GOLIM4: variants seen among roughly 807,000 people sequenced by gnomAD.
GOLIM4 encodes golgi integral membrane protein 4.
In GOLIM4, 71 loss-of-function variants were observed where a neutral mutation model predicts 107.4. The ratio of observed to expected loss-of-function variants is 0.66; its 90% confidence interval spans 0.55 to 0.81. The LOEUF is 0.81. GOLIM4 is among the 30% of genes least tolerant of loss of function. The pLI, the probability that GOLIM4 is intolerant of heterozygous loss-of-function variation, is 0.00. For missense variants in GOLIM4, 830 were observed against 826.1 expected (o/e 1.00, Z -0.06); for synonymous variants, 327 against 294.8 (o/e 1.11, Z -1.12).
intron 14 of GOLIM4, among the ~76,000 whole-genome samples, chr3:168,017,088 A>G (rs1000749305): frequency 1.5e-4 from 23 of 152,180 alleles, no homozygotes; most frequent in African/African-American, 5.1e-4. Context: ...ACAAAAATCA[A>G]TGTGATTGAT....
intron 13 of GOLIM4, 75 bp downstream of exon 13, chr3:168,024,853 C>T (rs1717908813): frequency 4.9e-6 from 7 of 1,441,926 alleles, no homozygotes; most frequent in Middle Eastern, 1.8e-4. Flanking sequence ...TGGAATATGA[C>T]TAACCTTTTA....
chr3:168,092,020 AC>A (rs1721941101), intron 1 of GOLIM4, among the ~76,000 whole-genome samples: 1 of 152,170 alleles, frequency 6.6e-6, no homozygotes, highest in African/African-American at 2.4e-5. Context: ...AGCTTTAAAG[AC>A]TTTTGAAGCC....
Position 168,032,743 on chromosome 3 carries a change from G to C in GOLIM4, c.953C>G (p.Pro318Arg), listed in dbSNP as rs897183591. 1 of 1,613,846 alleles carries C rather than the reference G, an allele frequency of 6.2e-7. No individual in the cohort carries two copies. The highest frequency in any genetic ancestry group is 8.5e-7 in the Non-Finnish European group (1 of 1,179,792). The part of the protein sequence containing the change: ...THKEAEFQAP[P>R]EPIQQEVERR... ...TTCCACTTCTTGTTGGATTGGCTCT[G>C]GGGGAGCCTGAAATTCTGCCTCCTT... Residue 318 changes from proline (P) to arginine (R), a missense_variant, in exon 9 of 16, where the codon CCA (proline) becomes CGA (arginine). Physicochemically the swap from Pro to Arg is moderately radical, Grantham distance 103. Transcript: ENST00000470487.
intron 1 of GOLIM4, among the ~76,000 whole-genome samples, chr3:168,061,163 C>A (rs1720253232): frequency 1.3e-5 from 2 of 149,040 alleles, no homozygotes; most frequent in Admixed American, 6.7e-5. Flanking sequence ...AAAAATGGGG[C>A]AAAGAATAGG....
intron 1 of GOLIM4, among the ~76,000 whole-genome samples, chr3:168,086,677 G>A (rs559514947): frequency 9.8e-4 from 149 of 152,194 alleles, no homozygotes; most frequent in African/African-American, 3.2e-3. Context: ...AATGTCATAC[G>A]GCTATAGAGA....
chr3:168,095,481 C>A lies in GOLIM4; in HGVS notation c.-196G>T. The A allele has an allele frequency of 7.5e-6, 4 of 536,754 alleles. No homozygotes were observed. The highest frequency in any genetic ancestry group is 2.4e-5 in the South Asian group (1 of 41,782). 33.2% of individuals were successfully genotyped at this position (536,754 alleles called of 1,614,324 possible). A position where few individuals can be genotyped will look rare whatever the true frequency, so the allele number is the denominator to read the frequency against. The stretch of plus-strand genomic sequence containing the variant: ...GGCGCGGGGCGCGCAGCCATCGACG[C>A]CGCCCGGGCAGCTGCAGCCAAACTT... On this transcript the variant is annotated 5_prime_UTR_variant, in exon 1 of 16. Coordinates refer to ENST00000470487, the MANE Select transcript of GOLIM4 (RefSeq NM_014498.5).
chr3:168,023,780 C>T (rs543143444), intron 14 of GOLIM4, among the ~76,000 whole-genome samples: 7 of 152,228 alleles, frequency 4.6e-5, no homozygotes, highest in African/African-American at 1.7e-4. Context: ...GTTTATGCAG[C>T]GGAATGCTGT....
At chr3:168,019,648 T>G (rs987010836) in intron 14 of GOLIM4, among the ~76,000 whole-genome samples, 3 of 152,214 alleles carry the variant, frequency 2.0e-5, no homozygotes, top group African/African-American at 7.2e-5. Flanking sequence ...ATCACTTAAC[T>G]CATTTCTCTA....
chr3:168,011,282 G>A (rs190723234), intron 14 of GOLIM4, among the ~76,000 whole-genome samples: 1 of 152,036 alleles, frequency 6.6e-6, no homozygotes, highest in African/African-American at 2.4e-5. Flanking sequence ...AAGGGGTGAC[G>A]GACGGCACCT....
intron 1 of GOLIM4, among the ~76,000 whole-genome samples, chr3:168,079,101 A>G (rs74540631): frequency 0.014 from 2,167 of 152,276 alleles, 54 homozygotes; most frequent in African/African-American, 0.05. Context: ...ATAGTCATCA[A>G]TCATATCAAA....
chr3:168,010,702 A>G (rs779002297), intron 15 of GOLIM4, 41 bp downstream of exon 15: 93 of 1,410,036 alleles, frequency 6.6e-5, no homozygotes, highest in Non-Finnish European at 8.5e-5. Flanking sequence ...CACACCCACA[A>G]ACACTCAAGT....
intron 14 of GOLIM4, among the ~76,000 whole-genome samples, chr3:168,022,900 A>C (rs948489711): frequency 2.0e-4 from 30 of 152,120 alleles, no homozygotes; most frequent in African/African-American, 7.0e-4. Context: ...TCTGAAGGGG[A>C]TGACTGGTGG....
intron 1 of GOLIM4, among the ~76,000 whole-genome samples, chr3:168,053,509 T>C (rs965896464): frequency 7.9e-5 from 12 of 152,170 alleles, no homozygotes; most frequent in Admixed American, 2.0e-4. Context: ...AAAACAAAAA[T>C]TAAAATGAAC....
intron 1 of GOLIM4, among the ~76,000 whole-genome samples, chr3:168,065,499 T>C (rs1351716932): frequency 1.3e-5 from 2 of 152,226 alleles, no homozygotes; most frequent in African/African-American, 4.8e-5. Flanking sequence ...TTTTTCTGTA[T>C]GTATGACTGT....
chr3:168,023,233 G>T (rs917584945), intron 14 of GOLIM4, among the ~76,000 whole-genome samples: 18 of 152,174 alleles, frequency 1.2e-4, no homozygotes, highest in African/African-American at 3.4e-4. Flanking sequence ...CCTGTTATAT[G>T]AGAAGCCTGG....
intron 1 of GOLIM4, among the ~76,000 whole-genome samples, chr3:168,067,793 C>T (rs1720627072): frequency 6.6e-6 from 1 of 152,096 alleles, no homozygotes; most frequent in South Asian, 2.1e-4. Flanking sequence ...GAATACAACA[C>T]AGCCATTCGA....
At chr3:168,025,951 T>C (rs1717973255) in intron 12 of GOLIM4, among the ~76,000 whole-genome samples, 2 of 152,180 alleles carry the variant, frequency 1.3e-5, no homozygotes, top group African/African-American at 2.4e-5. Flanking sequence ...GTGATGCTTG[T>C]CATGAGCTTC....
intron 1 of GOLIM4, among the ~76,000 whole-genome samples, chr3:168,063,915 G>T (rs924464785): frequency 1.3e-5 from 2 of 152,134 alleles, no homozygotes; most frequent in Non-Finnish European, 2.9e-5. Context: ...AGTATTTATG[G>T]GACTGTGGGT....
chr3:168,029,454 A>C (rs1718186490), intron 10 of GOLIM4, 152 bp from the exon 11 acceptor site: 1 of 525,252 alleles, frequency 1.9e-6, no homozygotes. Flanking sequence ...TTATGTATGC[A>C]ATTAGGTATA....
Sources: allele counts gnomAD v4.1 joint callset (sites outside exome capture counted in the v4.1 genomes callset), GRCh38; gene constraint gnomAD v4.1.1; transcripts MANE v1.5; gene names NCBI Gene and HGNC (gene_info 2026-07-23, HGNC 2026-07-21).